The following HKDC1 variants were observed in gnomAD, a reference collection of about 807,000 sequenced individuals.
HKDC1 encodes the protein hexokinase HKDC1.
HKDC1 carries 66 observed loss-of-function variants against 96.6 expected under a neutral mutation model. The ratio of observed to expected loss-of-function variants is 0.68; its 90% confidence interval spans 0.56 to 0.84. The LOEUF (loss-of-function observed/expected upper bound fraction) is 0.84, where lower values mean the gene tolerates loss of function less well. Among genes scored for constraint, HKDC1 ranks in the 40% least tolerant of loss-of-function variants. The pLI is 0.00. For missense variants in HKDC1, 1,211 were observed against 1,208.1 expected (o/e 1.00, Z -0.04); for synonymous variants, 466 against 473.1 (o/e 0.98, Z 0.20).
At position 69,233,003 on chromosome 10, in the gene HKDC1, C is replaced by T. The variant is rs774808524; in HGVS notation, c.376-11C>T. 1 of 1,613,722 alleles carries T rather than the reference C, an allele frequency of 6.2e-7. No homozygotes were observed. The highest frequency in any genetic ancestry group is 8.5e-7 in the Non-Finnish European group (1 of 1,180,054). ...CCTTAGCCCATGTACTTTGCTTTCT[C>T]TTCTCTGCAGCTGTTTGAATATGTA... is the stretch of plus-strand genomic sequence containing the variant. On this transcript the variant is annotated splice_polypyrimidine_tract_variant and intron_variant, in intron 3 of 17. Coordinates refer to ENST00000354624, the MANE Select transcript of HKDC1 (RefSeq NM_025130.4).
chr10:69,261,969 C>G, intron 16 of HKDC1: 2 of 280,580 alleles, frequency 7.1e-6, no homozygotes, highest in Non-Finnish European at 1.5e-5. Flanking sequence ...TAGTTAGACC[C>G]AGATGCTTAA....
intron 7 of HKDC1, 72 bp downstream of exon 7, chr10:69,243,437 C>G (rs1843488254): frequency 8.3e-6 from 11 of 1,330,450 alleles, no homozygotes; most frequent in Non-Finnish European, 1.1e-5. Flanking sequence ...CCCTGGCTAC[C>G]TGGGAGGCTT....
chr10:69,248,884 G>A (rs750728749), intron 10 of HKDC1, 156 bp downstream of exon 10: 3 of 721,504 alleles, frequency 4.2e-6, no homozygotes, highest in Middle Eastern at 4.1e-4. Flanking sequence ...TAAATCTGTT[G>A]GCCTTTGTTA....
At chr10:69,248,353 G>A (rs770363832) in intron 9 of HKDC1, 71 bp from the exon 10 acceptor site, 5 of 1,469,990 alleles carry the variant, frequency 3.4e-6, no homozygotes, top group Non-Finnish European at 3.6e-6. Flanking sequence ...TGGGTTTACT[G>A]CTGCCCCTGG....
chr10:69,227,449 T>C, intron 2 of HKDC1, 80 bp downstream of exon 2: 1 of 1,497,634 alleles, frequency 6.7e-7, no homozygotes, highest in East Asian at 2.3e-5. Context: ...TTTGCCCCTG[T>C]ACCTTGGCTT....
chr10:69,250,760 G>T (rs1589413351), intron 12 of HKDC1, 108 bp downstream of exon 12: 1 of 1,235,364 alleles, frequency 8.1e-7, no homozygotes, highest in East Asian at 2.3e-5. Flanking sequence ...GGGATCTTGG[G>T]TTCAGGGCAG....
chr10:69,220,510 C>A lies in HKDC1; in HGVS notation c.63+12C>A. On this transcript the variant is annotated intron_variant, in intron 1 of 17. Transcript: ENST00000354624. Reference sequence around the variant, plus strand: ...ACCAGATCAAGAAGGTAAGGAGGACCCACGAAGCTGAGAGATGCCCAGCTC... The same window carrying A: ...ACCAGATCAAGAAGGTAAGGAGGACACACGAAGCTGAGAGATGCCCAGCTC... 1 of 1,567,416 alleles carries A rather than the reference C, an allele frequency of 6.4e-7. No individual in the cohort carries two copies.
At chr10:69,222,483 C>A (rs933425048) in intron 1 of HKDC1, among the ~76,000 whole-genome samples, 4 of 152,222 alleles carry the variant, frequency 2.6e-5, no homozygotes, top group Admixed American at 2.0e-4. Flanking sequence ...TCTCCCACCC[C>A]CAAGGGGGAG....
chr10:69,243,122 CTCTG>C (rs2132352922), intron 6 of HKDC1, 56 bp from the exon 7 acceptor site: 2 of 1,549,770 alleles, frequency 1.3e-6, no homozygotes, highest in African/African-American at 1.4e-5. Flanking sequence ...GTCAAGAGTT[CTCTG>C]TCTGTGCCCA....
At chr10:69,226,459 C>A (rs1418993476) in intron 1 of HKDC1, among the ~76,000 whole-genome samples, 1 of 151,746 alleles carries the variant, frequency 6.6e-6, no homozygotes, top group Non-Finnish European at 1.5e-5. Flanking sequence ...ACAGCCTGGC[C>A]AACATGGCGA....
chr10:69,237,188 C>T (rs1418707139), intron 4 of HKDC1, among the ~76,000 whole-genome samples: 1 of 150,470 alleles, frequency 6.6e-6, no homozygotes, highest in Non-Finnish European at 1.5e-5. Context: ...CCATAGCCAA[C>T]ATCATGAGCA....
At chr10:69,239,671 G>A (rs72814218) in intron 5 of HKDC1, among the ~76,000 whole-genome samples, 16,599 of 152,184 alleles carry the variant, frequency 0.11, 1,086 homozygotes, top group Middle Eastern at 0.17. Flanking sequence ...GACAGCAAGA[G>A]GCATGTTTGC....
At chr10:69,243,126 G>A (rs1843478564) in intron 6 of HKDC1, 56 bp from the exon 7 acceptor site, 1 of 1,562,254 alleles carries the variant, frequency 6.4e-7, no homozygotes, top group Non-Finnish European at 8.8e-7. Flanking sequence ...AGAGTTCTCT[G>A]TCTGTGCCCA....
chr10:69,245,616 T>C (rs1159861194), intron 7 of HKDC1, among the ~76,000 whole-genome samples: 2 of 136,486 alleles, frequency 1.5e-5, no homozygotes, highest in Non-Finnish European at 3.3e-5. Context: ...TAATGTTCAA[T>C]AGTCTGCCTG....
At chr10:69,263,113 G>A (rs1022707753) in intron 16 of HKDC1, among the ~76,000 whole-genome samples, 1 of 152,068 alleles carries the variant, frequency 6.6e-6, no homozygotes, top group South Asian at 2.1e-4. Context: ...TGCCTGGGCT[G>A]GAGTGCTGTG....
intron 4 of HKDC1, among the ~76,000 whole-genome samples, chr10:69,235,093 C>A (rs1843339582): frequency 6.6e-6 from 1 of 151,758 alleles, no homozygotes; most frequent in South Asian, 2.1e-4. Flanking sequence ...CACCACTGCA[C>A]TCCAGCAGCG....
At chr10:69,240,899 T>C (rs961786039) in intron 6 of HKDC1, 148 bp downstream of exon 6, 6 of 615,928 alleles carry the variant, frequency 9.7e-6, no homozygotes, top group South Asian at 5.5e-5. Context: ...CATTCATTCA[T>C]CCATTCGACA....
intron 15 of HKDC1, 22 bp from the exon 16 acceptor site, chr10:69,261,117 C>G (rs1244982915): frequency 6.2e-7 from 1 of 1,607,560 alleles, no homozygotes; most frequent in African/African-American, 1.3e-5. Flanking sequence ...CTGCCCCAAC[C>G]TTATCCTTCT....
intron 16 of HKDC1, 85 bp downstream of exon 16, chr10:69,261,379 A>G (rs987882076): frequency 7.3e-7 from 1 of 1,372,240 alleles, no homozygotes; most frequent in African/African-American, 1.4e-5. Flanking sequence ...AGGTTTAAAA[A>G]TAAAAACAGA....
Sources: gnomAD v4.1 joint callset for allele counts (sites outside exome capture counted in the v4.1 genomes callset) on GRCh38, gnomAD v4.1.1 for gene constraint, MANE v1.5 for transcripts, NCBI Gene and HGNC (gene_info 2026-07-23, HGNC 2026-07-21) for gene names.